KANSL1: variants seen among roughly 807,000 people sequenced by gnomAD.
The protein encoded by KANSL1 is KAT8 regulatory NSL complex subunit 1.
Under a neutral mutation model 103.6 loss-of-function variants are expected in KANSL1, and 22 were observed. The observed-to-expected ratio is 0.21, with a 90% CI of 0.15 to 0.30. KANSL1 has a LOEUF of 0.30. Among genes scored for constraint, KANSL1 ranks in the 10% least tolerant of loss-of-function variants. The probability of loss-of-function intolerance (pLI) is 1.00; values close to 1 mark genes in which losing one functional copy is unlikely to be tolerated. For synonymous variants in KANSL1, 600 were observed against 527.6 expected, an observed-to-expected ratio of 1.14 and a Z score of -1.88; for missense variants, 1,337 against 1,399.8, an observed-to-expected ratio of 0.96 and a Z score of 0.72.
intron 10 of KANSL1, chr17:46,034,598 C>A: frequency 6.5e-6 from 2 of 307,608 alleles, no homozygotes; most frequent in South Asian, 6.0e-5. Flanking sequence ...GGTTCCTACT[C>A]TATATACACC....
chr17:46,043,739 C>G (rs1350041439), intron 7 of KANSL1: 4 of 152,220 alleles, frequency 2.6e-5, no homozygotes, highest in Admixed American at 1.3e-4. Flanking sequence ...TGGAACTCCA[C>G]TCCTAAACCC....
chr17:46,161,089 C>G (rs2045710380), intron 2 of KANSL1, among the ~76,000 whole-genome samples: 1 of 152,100 alleles, frequency 6.6e-6, no homozygotes, highest in African/African-American at 2.4e-5. Flanking sequence ...AATGTCTCAA[C>G]TCTGTTGTCT....
At chr17:46,077,364 T>C (rs990936049) in intron 4 of KANSL1, among the ~76,000 whole-genome samples, 1 of 151,710 alleles carries the variant, frequency 6.6e-6, no homozygotes, top group African/African-American at 2.4e-5. Flanking sequence ...ACAATATTTT[T>C]AGGATATATT....
At chr17:46,099,082 G>A (rs902734378) in intron 2 of KANSL1, among the ~76,000 whole-genome samples, 2 of 112,974 alleles carry the variant, frequency 1.8e-5, no homozygotes, top group African/African-American at 5.3e-5. Flanking sequence ...CCAGCACTTT[G>A]GGAGGCCGAG....
intron 4 of KANSL1, among the ~76,000 whole-genome samples, chr17:46,074,670 G>A (rs1327730149): frequency 6.6e-6 from 1 of 152,022 alleles, no homozygotes; most frequent in Non-Finnish European, 1.5e-5. Flanking sequence ...GGGAGGCTGA[G>A]AGATGGGAGG....
chr17:46,059,099 T>C (rs1230401197), intron 6 of KANSL1, among the ~76,000 whole-genome samples: 1 of 150,090 alleles, frequency 6.7e-6, no homozygotes, highest in Non-Finnish European at 1.5e-5. Context: ...CTTTTGGTAC[T>C]CTTGTAGGGC....
At chr17:46,187,722 G>T (rs949271182) in intron 1 of KANSL1, among the ~76,000 whole-genome samples, 1 of 152,184 alleles carries the variant, frequency 6.6e-6, no homozygotes, top group Non-Finnish European at 1.5e-5. Context: ...CTATTTTGCC[G>T]CATTGTGCTA....
At chr17:46,063,025 G>C (rs559213491) in intron 6 of KANSL1, among the ~76,000 whole-genome samples, 1 of 152,306 alleles carries the variant, frequency 6.6e-6, no homozygotes, top group Admixed American at 6.5e-5. Context: ...ACTCCAGCCT[G>C]AGCAACAGAG....
At chr17:46,135,117 T>C (rs929331107) in intron 2 of KANSL1, among the ~76,000 whole-genome samples, 11 of 152,082 alleles carry the variant, frequency 7.2e-5, no homozygotes, top group African/African-American at 2.7e-4. Context: ...CAGCCTCTAC[T>C]ACAAATCTTT....
At chr17:46,099,007 A>G (rs1348242205) in intron 2 of KANSL1, among the ~76,000 whole-genome samples, 5 of 152,210 alleles carry the variant, frequency 3.3e-5, no homozygotes, top group Non-Finnish European at 5.9e-5. Context: ...CAAGAATAAG[A>G]GCTTCACATC....
chr17:46,170,844 G>A lies in KANSL1; in HGVS notation c.1289+11C>T, dbSNP rs777187770. ...TTCTCAAGAATGCTATCATGCATGA[G>A]GTCTACTCACAGGGGTACATGACGC... is the stretch of plus-strand genomic sequence containing the variant. On this transcript the variant is annotated intron_variant, in intron 2 of 14. Coordinates refer to ENST00000432791, the MANE Select transcript of KANSL1 (RefSeq NM_015443.4). 2 of 1,583,866 alleles carry A rather than the reference G, an allele frequency of 1.3e-6. No homozygotes were observed. The highest frequency in any genetic ancestry group is 3.7e-5 in the Admixed American group (2 of 53,976).
chr17:46,050,896 C>G (rs2077689577), intron 6 of KANSL1, among the ~76,000 whole-genome samples, 192 bp from the exon 7 acceptor site: 2 of 152,230 alleles, frequency 1.3e-5, no homozygotes, highest in Non-Finnish European at 2.9e-5. Flanking sequence ...GTCTAACACA[C>G]TGACCTTCAA....
intron 1 of KANSL1, among the ~76,000 whole-genome samples, chr17:46,189,031 CAAAAAAAA>C (rs57566816): frequency 0.033 from 1,981 of 59,678 alleles, 1 homozygote; most frequent in Admixed American, 0.074. Context: ...AAGATTGTCT[CAAAAAAAA>C]AAAAAAAAAA....
intron 6 of KANSL1, among the ~76,000 whole-genome samples, chr17:46,056,259 A>G (rs954956831): frequency 4.7e-4 from 71 of 152,310 alleles, no homozygotes; most frequent in African/African-American, 1.6e-3. Flanking sequence ...TTGGCCTCCC[A>G]AAGTGCTAGA....
At chr17:46,174,403 A>G (rs2696665) in intron 1 of KANSL1, among the ~76,000 whole-genome samples, 21,945 of 152,082 alleles carry the variant, frequency 0.14, 2,136 homozygotes, top group Non-Finnish European at 0.22. Flanking sequence ...CAGGATGGTC[A>G]CAATCTCCTG....
chr17:46,031,937 GT>G, intron 14 of KANSL1, 109 bp downstream of exon 14: 1 of 1,468,318 alleles, frequency 6.8e-7, no homozygotes, highest in East Asian at 2.3e-5. Flanking sequence ...GCAGCCCTTT[GT>G]CCCTTCAAAA....
Position 46,067,700 on chromosome 17 carries a change from T to C in KANSL1, c.1534-33A>G, listed in dbSNP as rs587635248. 35 of 1,168,364 alleles carry C rather than the reference T, an allele frequency of 3.0e-5. No homozygotes were observed. The Admixed American group carries it at 3.1e-4, about 10-fold the overall frequency. The allele number at this position is 1,168,364 out of a possible 1,614,324, so 72.4% of individuals were successfully genotyped here. On this transcript the variant is annotated intron_variant, in intron 4 of 14. Transcript: ENST00000432791. ...AGAAAAAGGAAAAAAGAAATTAACATGTACCCAAGCGCACCCCTGCCTGAA... is the reference window on the plus strand; with the variant it reads ...AGAAAAAGGAAAAAAGAAATTAACACGTACCCAAGCGCACCCCTGCCTGAA...
intron 2 of KANSL1, among the ~76,000 whole-genome samples, chr17:46,101,754 CAAAAAAAAAAA>C (rs372439614): frequency 1.1e-5 from 1 of 93,682 alleles, no homozygotes; most frequent in African/African-American, 4.8e-5. Context: ...ACTCTGTCTA[CAAAAAAAAAAA>C]AAAAAAAAAA....
intron 1 of KANSL1, among the ~76,000 whole-genome samples, chr17:46,218,401 G>T (rs2048406722): frequency 6.6e-6 from 1 of 152,214 alleles, no homozygotes; most frequent in Non-Finnish European, 1.5e-5. Flanking sequence ...TGGACACCAA[G>T]GTTCTAAGAG....
Sources: gnomAD v4.1 joint callset for allele counts (sites outside exome capture counted in the v4.1 genomes callset) on GRCh38, gnomAD v4.1.1 for gene constraint, MANE v1.5 for transcripts, NCBI Gene and HGNC (gene_info 2026-07-23, HGNC 2026-07-21) for gene names.